The following DOCK3 variants were observed in gnomAD, a reference collection of about 807,000 sequenced individuals.
The protein encoded by DOCK3 is dedicator of cytokinesis protein 3.
In DOCK3, 60 loss-of-function variants were observed where a neutral mutation model predicts 265.6. That is an observed-to-expected ratio of 0.23 (90% CI 0.18 to 0.28). DOCK3 has a LOEUF of 0.28. DOCK3 is among the 10% of genes least tolerant of loss of function. The probability of loss-of-function intolerance (pLI) is 1.00; values close to 1 mark genes in which losing one functional copy is unlikely to be tolerated. For missense variants in DOCK3, 1,981 were observed against 2,594.3 expected, an observed-to-expected ratio of 0.76 and a Z score of 5.14; for synonymous variants, 881 against 938.0, an observed-to-expected ratio of 0.94 and a Z score of 1.11.
intron 7 of DOCK3, among the ~76,000 whole-genome samples, chr3:51,081,490 A>G (rs1429503137): frequency 6.6e-6 from 1 of 152,226 alleles, no homozygotes; most frequent in Non-Finnish European, 1.5e-5. Context: ...CACTTACAGT[A>G]TGATAGGTAA....
intron 41 of DOCK3, among the ~76,000 whole-genome samples, chr3:51,355,803 T>A (rs1220299759): frequency 6.6e-6 from 1 of 152,182 alleles, no homozygotes; most frequent in Non-Finnish European, 1.5e-5. Flanking sequence ...CTCTTTCCCT[T>A]TGTTTCTTAA....
At chr3:51,008,344 CT>C (rs2078776145) in intron 5 of DOCK3, among the ~76,000 whole-genome samples, 1 of 152,116 alleles carries the variant, frequency 6.6e-6, no homozygotes, top group Non-Finnish European at 1.5e-5. Context: ...CTTCACATCC[CT>C]TGTACACAAG....
At chr3:51,184,483 A>G (rs1488810628) in intron 12 of DOCK3, among the ~76,000 whole-genome samples, 1 of 152,058 alleles carries the variant, frequency 6.6e-6, no homozygotes, top group Admixed American at 6.6e-5. Flanking sequence ...TGGTGGGAGT[A>G]TATCAAAGGA....
chr3:50,767,390 G>T (rs2040963375), intron 1 of DOCK3, among the ~76,000 whole-genome samples: 1 of 152,134 alleles, frequency 6.6e-6, no homozygotes, highest in African/African-American at 2.4e-5. Context: ...TTTCCCCATT[G>T]CTTGTTTTTG....
At chr3:51,130,074 A>C (rs1163919540) in intron 9 of DOCK3, among the ~76,000 whole-genome samples, 2 of 152,188 alleles carry the variant, frequency 1.3e-5, no homozygotes, top group African/African-American at 4.8e-5. Context: ...GAATATCTCG[A>C]CAAGCCCCAC....
chr3:50,855,353 T>G (rs1660101207), intron 3 of DOCK3, among the ~76,000 whole-genome samples: 1 of 151,736 alleles, frequency 6.6e-6, no homozygotes, highest in Non-Finnish European at 1.5e-5. Flanking sequence ...CTTGGTTAAA[T>G]GTATTCCTAG....
intron 2 of DOCK3, among the ~76,000 whole-genome samples, chr3:50,811,209 G>A (rs888684318): frequency 6.3e-5 from 9 of 143,722 alleles, no homozygotes; most frequent in Non-Finnish European, 1.4e-4. Flanking sequence ...ATCAACAAGT[G>A]AGAGACCCTG....
At chr3:51,157,291 A>C (rs2085896636) in intron 10 of DOCK3, among the ~76,000 whole-genome samples, 1 of 151,834 alleles carries the variant, frequency 6.6e-6, no homozygotes, top group Admixed American at 6.6e-5. Context: ...TCTCTCTGTC[A>C]CTGGAGTACA....
intron 9 of DOCK3, among the ~76,000 whole-genome samples, chr3:51,110,764 T>G (rs966565910): frequency 1.3e-4 from 20 of 152,188 alleles, no homozygotes; most frequent in Non-Finnish European, 2.1e-4. Context: ...GCATTCCACT[T>G]GAAAACTGGC....
intron 5 of DOCK3, among the ~76,000 whole-genome samples, chr3:51,058,889 T>C (rs2109208699): frequency 6.6e-6 from 1 of 152,272 alleles, no homozygotes; most frequent in East Asian, 1.9e-4. Context: ...TACATATATG[T>C]ATAAAATAAT....
chr3:51,056,373 C>T (rs2109178480), intron 5 of DOCK3, among the ~76,000 whole-genome samples: 2 of 152,294 alleles, frequency 1.3e-5, no homozygotes, highest in East Asian at 1.9e-4. Flanking sequence ...CTCTGCCTCC[C>T]GAGTAACTGG....
At chr3:51,010,995 A>C (rs1003782212) in intron 5 of DOCK3, among the ~76,000 whole-genome samples, 1 of 152,080 alleles carries the variant, frequency 6.6e-6, no homozygotes. Context: ...ATCCACTGTT[A>C]GTCTGACGGG....
chr3:50,845,861 A>G (rs1176044486), intron 3 of DOCK3, among the ~76,000 whole-genome samples: 1 of 152,186 alleles, frequency 6.6e-6, no homozygotes, highest in Non-Finnish European at 1.5e-5. Context: ...AAAATACTAT[A>G]ATGGGTAAAA....
chr3:51,281,299 A>G (rs1163428447), intron 27 of DOCK3, among the ~76,000 whole-genome samples: 1 of 141,462 alleles, frequency 7.1e-6, no homozygotes, highest in East Asian at 2.4e-4. Flanking sequence ...ATATATATAT[A>G]TATATATCTC....
chr3:50,980,980 G>A (rs1437676188), intron 5 of DOCK3, among the ~76,000 whole-genome samples: 1 of 151,624 alleles, frequency 6.6e-6, no homozygotes, highest in Non-Finnish European at 1.5e-5. Context: ...TTTATTATTT[G>A]TTTCCATCCA....
At chr3:51,207,857 G>C (rs930111755) in intron 12 of DOCK3, among the ~76,000 whole-genome samples, 35 of 152,060 alleles carry the variant, frequency 2.3e-4, no homozygotes, top group Non-Finnish European at 4.4e-4. Context: ...AACCAACAGG[G>C]GACGGGGTAG....
At chr3:51,144,665 T>G (rs2085216162) in intron 9 of DOCK3, among the ~76,000 whole-genome samples, 1 of 152,210 alleles carries the variant, frequency 6.6e-6, no homozygotes, top group Admixed American at 6.5e-5. Flanking sequence ...CCCAAATCTT[T>G]CTGAGATTCA....
chr3:51,281,274 A>AAAATATATATATATATAT (rs2081096243), intron 27 of DOCK3, among the ~76,000 whole-genome samples: 24 of 125,672 alleles, frequency 1.9e-4, no homozygotes, highest in African/African-American at 7.0e-4. Context: ...GATGAGCTAA[A>AAAATATATATATATATAT]ATATATATAT....
chr3:50,810,161 G>A (rs1475260986), intron 2 of DOCK3, among the ~76,000 whole-genome samples: 1 of 152,084 alleles, frequency 6.6e-6, no homozygotes, highest in Admixed American at 6.6e-5. Context: ...GGGTGTGTGT[G>A]TTGATGACTG....
Sources: allele counts gnomAD v4.1 joint callset (sites outside exome capture counted in the v4.1 genomes callset), GRCh38; gene constraint gnomAD v4.1.1; transcripts MANE v1.5; gene names NCBI Gene and HGNC (gene_info 2026-07-23, HGNC 2026-07-21).